The following TMEM14A variants were observed in gnomAD, a reference collection of about 807,000 sequenced individuals.
TMEM14A encodes transmembrane protein 14A.
In TMEM14A, 8 loss-of-function variants were observed where a neutral mutation model predicts 11.6. That is an observed-to-expected ratio of 0.69 (90% CI 0.40 to 1.24). TMEM14A has a LOEUF of 1.24. Ranked by LOEUF, TMEM14A falls within the 50% of genes most tolerant of loss-of-function variation. TMEM14A has a pLI of 0.01. For synonymous variants in TMEM14A, 34 were observed against 45.5 expected (o/e 0.75, Z 1.02); for missense variants, 108 against 121.9 (o/e 0.89, Z 0.54).
chr6:52,684,835 T>A (rs1413774566), intron 4 of TMEM14A, among the ~76,000 whole-genome samples: 1 of 152,278 alleles, frequency 6.6e-6, no homozygotes, highest in African/African-American at 2.4e-5. Context: ...CAAAGACTGA[T>A]GTTCATTGCA....
At chr6:52,680,712 T>TGTATATATATATATATAC (rs1769374490) in intron 2 of TMEM14A, among the ~76,000 whole-genome samples, 8 of 133,072 alleles carry the variant, frequency 6.0e-5, no homozygotes, top group African/African-American at 1.4e-4. Flanking sequence ...TATACACATA[T>TGTATATATATATATATAC]ATATATGGCA....
intron 1 of TMEM14A, among the ~76,000 whole-genome samples, chr6:52,676,150 C>G (rs1769254148): frequency 6.6e-6 from 1 of 152,176 alleles, no homozygotes; most frequent in African/African-American, 2.4e-5. Flanking sequence ...TATGGCAGAT[C>G]TTGAAGACAG....
At chr6:52,684,904 C>T (rs969590994) in intron 4 of TMEM14A, among the ~76,000 whole-genome samples, 6 of 152,076 alleles carry the variant, frequency 3.9e-5, no homozygotes, top group African/African-American at 1.4e-4. Context: ...TAACAGTTCA[C>T]CAGTAAGGAG....
chr6:52,673,303 C>T (rs1468634636), intron 1 of TMEM14A, among the ~76,000 whole-genome samples: 3 of 152,164 alleles, frequency 2.0e-5, no homozygotes, highest in Non-Finnish European at 2.9e-5. Context: ...CCTGCCCCAC[C>T]TGTCCCATAG....
intron 1 of TMEM14A, among the ~76,000 whole-genome samples, chr6:52,672,695 A>T (rs542070166): frequency 9.2e-5 from 14 of 152,200 alleles, no homozygotes; most frequent in Admixed American, 7.2e-4. Flanking sequence ...TCCCGCCTCA[A>T]ATTCAATTCT....
chr6:52,686,016 G>C lies in TMEM14A; in HGVS notation c.267G>C (p.Met89Ile), dbSNP rs1418889993. 1 of 1,610,978 alleles carries C rather than the reference G, an allele frequency of 6.2e-7. No individual in the cohort carries two copies. The highest frequency in any genetic ancestry group is 1.3e-5 in the African/African-American group (1 of 74,844). The part of the protein sequence containing the change: ...PAGLVAGLSL[M>I]MILRLVLLLL ...TGTTTTATTTTAAATCCAGCCTCATGATGATCCTGAGACTTGTCTTGTTGC... is the reference window on the plus strand; with the variant it reads ...TGTTTTATTTTAAATCCAGCCTCATCATGATCCTGAGACTTGTCTTGTTGC... The change falls in exon 5 of 5, where the codon ATG (methionine) becomes ATC (isoleucine). Residue 89 changes from methionine to isoleucine, a missense_variant. Met to Ile is a conservative substitution (Grantham distance 10). Transcript: ENST00000211314.
At chr6:52,683,872 C>T (rs1769440726) in intron 3 of TMEM14A, among the ~76,000 whole-genome samples, 1 of 152,226 alleles carries the variant, frequency 6.6e-6, no homozygotes. Context: ...ATCTCTGCCT[C>T]CCAAAGTGCT....
chr6:52,678,910 C>T (rs909964899), intron 2 of TMEM14A, among the ~76,000 whole-genome samples: 3 of 151,980 alleles, frequency 2.0e-5, no homozygotes, highest in East Asian at 1.9e-4. Context: ...GCCAGTGGCT[C>T]GAATGTCTTA....
intron 1 of TMEM14A, among the ~76,000 whole-genome samples, chr6:52,675,825 G>T (rs1312236000): frequency 6.6e-6 from 1 of 152,214 alleles, no homozygotes; most frequent in African/African-American, 2.4e-5. Context: ...AGACATGAAA[G>T]AATTATAAGA....
intron 3 of TMEM14A, among the ~76,000 whole-genome samples, chr6:52,682,120 A>G (rs1234731656): frequency 3.3e-5 from 5 of 152,250 alleles, no homozygotes; most frequent in Admixed American, 3.3e-4. Flanking sequence ...ACTCAGAAGA[A>G]TATTTCTATA....
chr6:52,680,566 A>G (rs1332536239), intron 2 of TMEM14A, among the ~76,000 whole-genome samples: 1 of 128,076 alleles, frequency 7.8e-6, no homozygotes, highest in African/African-American at 2.7e-5. Flanking sequence ...CAACTGTAAC[A>G]TTCTAAGCCA....
chr6:52,680,609 A>ATATATATATATATC (rs1554137438), intron 2 of TMEM14A, among the ~76,000 whole-genome samples: 1 of 103,854 alleles, frequency 9.6e-6, no homozygotes, highest in Non-Finnish European at 1.9e-5. Context: ...ATATATATAT[A>ATATATATATATATC]TATGTATATA....
chr6:52,680,682 T>C (rs56704147), intron 2 of TMEM14A, among the ~76,000 whole-genome samples: 5 of 50,748 alleles, frequency 9.9e-5, no homozygotes, highest in Non-Finnish European at 1.3e-4. Context: ...TATATATATA[T>C]ACATATATGT....
chr6:52,674,959 C>T (rs1202837121), intron 1 of TMEM14A, among the ~76,000 whole-genome samples: 1 of 151,218 alleles, frequency 6.6e-6, no homozygotes, highest in African/African-American at 2.4e-5. Flanking sequence ...TGATTGCAAC[C>T]TCTGCCTCGC....
chr6:52,677,333 C>T (rs905538941), intron 2 of TMEM14A, among the ~76,000 whole-genome samples, 161 bp downstream of exon 2: 8 of 152,222 alleles, frequency 5.3e-5, no homozygotes, highest in African/African-American at 1.2e-4. Context: ...AAGAGGCTTC[C>T]GTGGGGCTGA....
At chr6:52,679,182 A>G (rs1246654450) in intron 2 of TMEM14A, among the ~76,000 whole-genome samples, 1 of 152,144 alleles carries the variant, frequency 6.6e-6, no homozygotes, top group Non-Finnish European at 1.5e-5. Flanking sequence ...CAGTGGGGAG[A>G]GAGGGCAGCC....
intron 3 of TMEM14A, among the ~76,000 whole-genome samples, chr6:52,683,349 A>G (rs1409890569): frequency 6.6e-6 from 1 of 150,424 alleles, no homozygotes; most frequent in Non-Finnish European, 1.5e-5. Flanking sequence ...AATCTCAGCT[A>G]CTCGGGAGGC....
intron 2 of TMEM14A, among the ~76,000 whole-genome samples, chr6:52,680,704 T>TATACATACACAC (rs371102796): frequency 2.0e-5 from 1 of 51,102 alleles, no homozygotes; most frequent in Non-Finnish European, 4.4e-5. Context: ...TATATATATA[T>TATACATACACAC]ACACATATAT....
chr6:52,674,840 C>T (rs1416145467), intron 1 of TMEM14A, among the ~76,000 whole-genome samples: 2 of 151,758 alleles, frequency 1.3e-5, no homozygotes, highest in Non-Finnish European at 2.9e-5. Context: ...TACCCTTCCT[C>T]ATAGTAAGTT....
Sources: allele counts gnomAD v4.1 joint callset (sites outside exome capture counted in the v4.1 genomes callset), GRCh38; gene constraint gnomAD v4.1.1; transcripts MANE v1.5; gene names NCBI Gene and HGNC (gene_info 2026-07-23, HGNC 2026-07-21).